The following ZNF385D variants were observed in gnomAD, a reference collection of about 807,000 sequenced individuals.
ZNF385D encodes the protein zinc finger protein 659.
A neutral mutation model predicts 35.8 loss-of-function variants in ZNF385D; 15 were observed. That is an observed-to-expected ratio of 0.42 (90% CI 0.28 to 0.64). The LOEUF (loss-of-function observed/expected upper bound fraction) is 0.64. Ranked by LOEUF, ZNF385D falls within the 30% of genes least tolerant of loss-of-function variation. The pLI, the probability that ZNF385D is intolerant of heterozygous loss-of-function variation, is 0.23. For synonymous variants in ZNF385D, 212 were observed against 186.8 expected (o/e 1.13, Z -1.10); for missense variants, 474 against 494.6 (o/e 0.96, Z 0.39).
chr3:21,431,940 A>T (rs1300111601), intron 5 of ZNF385D, among the ~76,000 whole-genome samples: 1 of 152,206 alleles, frequency 6.6e-6, no homozygotes, highest in East Asian at 1.9e-4. Context: ...GACAATGACT[A>T]GGTCTTGCTC....
intron 3 of ZNF385D, among the ~76,000 whole-genome samples, chr3:22,120,974 C>T (rs1460780067): frequency 6.6e-6 from 1 of 152,102 alleles, no homozygotes; most frequent in African/African-American, 2.4e-5. Context: ...TCTGACTAGA[C>T]CATATTCAAC....
At chr3:21,889,468 C>G (rs1236627176) in intron 3 of ZNF385D, among the ~76,000 whole-genome samples, 2 of 152,144 alleles carry the variant, frequency 1.3e-5, no homozygotes, top group African/African-American at 4.8e-5. Flanking sequence ...GGGAGGGGTT[C>G]CAGGAACCCA....
chr3:21,917,333 G>A (rs1169661781), intron 3 of ZNF385D, among the ~76,000 whole-genome samples: 8 of 152,188 alleles, frequency 5.3e-5, no homozygotes, highest in South Asian at 2.1e-4. Flanking sequence ...TCAGAAAGCC[G>A]AGGCAAGAGA....
intron 3 of ZNF385D, among the ~76,000 whole-genome samples, chr3:22,089,691 T>A (rs1284924223): frequency 6.6e-6 from 1 of 152,152 alleles, no homozygotes; most frequent in Non-Finnish European, 1.5e-5. Flanking sequence ...TCATGATTTT[T>A]CCTTGAACAT....
chr3:21,925,514 C>G (rs1417125502), intron 3 of ZNF385D, among the ~76,000 whole-genome samples: 1 of 152,094 alleles, frequency 6.6e-6, no homozygotes, highest in Non-Finnish European at 1.5e-5. Flanking sequence ...AATTACACAA[C>G]TTTTATAAAA....
chr3:21,542,753 C>T (rs949484030), intron 3 of ZNF385D: 2 of 152,204 alleles, frequency 1.3e-5, no homozygotes, highest in African/African-American at 4.8e-5. Context: ...CTGTGTGGAA[C>T]CTGCGATTTC....
chr3:22,295,375 T>C (rs1702515235), intron 2 of ZNF385D, among the ~76,000 whole-genome samples: 1 of 152,178 alleles, frequency 6.6e-6, no homozygotes. Context: ...GAGAAACTGA[T>C]GACAGTGCCA....
chr3:22,371,477 C>T (rs1462660107), intron 2 of ZNF385D, among the ~76,000 whole-genome samples: 1 of 152,178 alleles, frequency 6.6e-6, no homozygotes, highest in African/African-American at 2.4e-5. Flanking sequence ...AACCACGCAT[C>T]ACTCGTTTGA....
intron 2 of ZNF385D, among the ~76,000 whole-genome samples, chr3:22,207,747 T>A (rs1188387954): frequency 1.3e-5 from 2 of 151,820 alleles, no homozygotes; most frequent in Non-Finnish European, 2.9e-5. Flanking sequence ...TCTACAGGAA[T>A]AAAATCTAGT....
intron 3 of ZNF385D, among the ~76,000 whole-genome samples, chr3:21,525,522 T>TA (rs905773931): frequency 1.7e-4 from 26 of 151,700 alleles, no homozygotes; most frequent in African/African-American, 4.8e-4. Context: ...CCGTCTCTAC[T>TA]AAAAATACAA....
intron 4 of ZNF385D, among the ~76,000 whole-genome samples, chr3:21,442,010 A>G (rs1701884927): frequency 6.6e-6 from 1 of 152,188 alleles, no homozygotes; most frequent in Non-Finnish European, 1.5e-5. Flanking sequence ...ACAGGTTGCT[A>G]ATACGTTGTG....
Position 22,108,845 on chromosome 3 carries a change from T to A in ZNF385D, c.325+59972A>T, listed in dbSNP as rs1179394507. 2.6e-5 allele frequency among the ~76,000 whole-genome samples: 4 copies of A among 152,082 alleles called. No homozygotes were observed. The East Asian group carries it at 7.7e-4, about 29-fold the overall frequency. The stretch of plus-strand genomic sequence containing the variant: ...CTGGCCAACATGGTGAAACCCTGTC[T>A]CTACTAAAAATACAAAATTAGCTGT... On this transcript the variant is annotated intron_variant, in intron 3 of 5. Transcript: ENST00000494108.
At position 22,093,259 on chromosome 3, in the gene ZNF385D, A is replaced by C. The variant is rs949198374; in HGVS notation, c.325+75558T>G. 3.9e-5 allele frequency among the ~76,000 whole-genome samples: 6 copies of C among 152,098 alleles called. No homozygotes were observed. In the South Asian group the frequency reaches 1.2e-3, roughly 32 times the overall value. On this transcript the variant is annotated intron_variant, in intron 3 of 5. Coordinates refer to the ZNF385D transcript ENST00000494108. ...ATAAAACATTTTTTAGAAAAAAGTAAACCCAACATCTAAAACTTTTAGAAG... is the reference window on the plus strand; with the variant it reads ...ATAAAACATTTTTTAGAAAAAAGTACACCCAACATCTAAAACTTTTAGAAG...
At chr3:21,558,619 T>C (rs910455494) in intron 3 of ZNF385D, among the ~76,000 whole-genome samples, 1 of 152,212 alleles carries the variant, frequency 6.6e-6, no homozygotes, top group African/African-American at 2.4e-5. Flanking sequence ...GAGAAGAACG[T>C]ATATTCTGTT....
Position 21,830,127 on chromosome 3 carries a change from AAAT to A in ZNF385D, c.326-165102_326-165100del, listed in dbSNP as rs534808170. Among the ~76,000 whole-genome samples, 8 of 152,052 alleles carry A rather than the reference AAAT, an allele frequency of 5.3e-5. No individual in the cohort carries two copies. In the South Asian group the frequency reaches 1.7e-3, roughly 32 times the overall value. On this transcript the variant is annotated intron_variant, in intron 3 of 5. Coordinates refer to the ZNF385D transcript ENST00000494108. ...TGACAGAGTGACACTCTGTCAAAAA[AAAT>A]AAAAGAGGCATTTTAGAGTTATCTA...
intron 3 of ZNF385D, among the ~76,000 whole-genome samples, chr3:21,993,551 T>G (rs1695276466): frequency 6.6e-6 from 1 of 152,252 alleles, no homozygotes; most frequent in Admixed American, 6.5e-5. Context: ...ACTGTTTGAT[T>G]AAACTATGCA....
At chr3:21,764,834 T>C (rs1346777706) in intron 3 of ZNF385D, among the ~76,000 whole-genome samples, 1 of 152,146 alleles carries the variant, frequency 6.6e-6, no homozygotes, top group Non-Finnish European at 1.5e-5. Context: ...TTTACATTTA[T>C]ATGCAAGTTG....
chr3:22,128,836 C>T (rs576910903), intron 3 of ZNF385D, among the ~76,000 whole-genome samples: 1 of 152,280 alleles, frequency 6.6e-6, no homozygotes, highest in South Asian at 2.1e-4. Context: ...TTCCTCAAAA[C>T]AGCTATTTTG....
upstream of ZNF385D, chr3:21,751,458 G>C (rs2070082431): frequency 1.0e-6 from 1 of 986,400 alleles, no homozygotes. Flanking sequence ...TGGTTAAGGC[G>C]AGTTCTGCCA....
Sources: gnomAD v4.1 joint callset for allele counts (sites outside exome capture counted in the v4.1 genomes callset) on GRCh38, gnomAD v4.1.1 for gene constraint, MANE v1.5 for transcripts, NCBI Gene and HGNC (gene_info 2026-07-23, HGNC 2026-07-21) for gene names.